AFAP1L2: variants seen among roughly 807,000 people sequenced by gnomAD.
AFAP1L2 encodes the protein actin filament-associated protein 1-like 2.
A neutral mutation model predicts 99.3 loss-of-function variants in AFAP1L2; 46 were observed. The ratio of observed to expected loss-of-function variants is 0.46; its 90% CI spans 0.37 to 0.59. AFAP1L2 has a LOEUF of 0.59. Among genes scored for constraint, AFAP1L2 ranks in the 20% least tolerant of loss-of-function variants. The pLI is 0.00. For synonymous variants in AFAP1L2, 397 were observed against 419.1 expected (o/e 0.95, Z 0.64); for missense variants, 959 against 1,034.9 (o/e 0.93, Z 1.01).
At chr10:114,401,090 T>C (rs1268324683) in intron 1 of AFAP1L2, among the ~76,000 whole-genome samples, 1 of 152,244 alleles carries the variant, frequency 6.6e-6, no homozygotes, top group African/African-American at 2.4e-5. Flanking sequence ...AGTTCATATC[T>C]GCCTCCAATG....
intron 1 of AFAP1L2, among the ~76,000 whole-genome samples, chr10:114,385,923 C>T (rs984137409): frequency 6.6e-6 from 1 of 152,104 alleles, no homozygotes; most frequent in African/African-American, 2.4e-5. Context: ...AGTTCAGGTT[C>T]TCACCACCCC....
intron 1 of AFAP1L2, among the ~76,000 whole-genome samples, chr10:114,345,327 G>A (rs938991271): frequency 1.3e-5 from 2 of 152,130 alleles, no homozygotes; most frequent in African/African-American, 2.4e-5. Context: ...CTCAGAAGTT[G>A]GTGCCTTATT....
At chr10:114,302,223 T>C (rs1411685506) in intron 12 of AFAP1L2, 116 bp downstream of exon 12, 1 of 1,421,352 alleles carries the variant, frequency 7.0e-7, no homozygotes, top group African/African-American at 1.4e-5. Context: ...TTCCTGCTGC[T>C]GGGCAGAGTG....
intron 1 of AFAP1L2, among the ~76,000 whole-genome samples, chr10:114,397,122 G>GAA (rs5788062): frequency 2.0e-5 from 3 of 148,714 alleles, no homozygotes; most frequent in East Asian, 4.0e-4. Context: ...TTTACACACA[G>GAA]AAAAAAAAAA....
In AFAP1L2 at chr10:114,308,454, C is replaced by T; in HGVS notation, c.946G>A (p.Glu316Lys). 6.2e-7 allele frequency: 1 copy of T among 1,614,188 alleles called. No individual in the cohort carries two copies. Among genetic ancestry groups the T allele is most frequent in the Non-Finnish European group, 8.5e-7 (1 of 1,180,028 alleles). ...EYGSSVDGHP[E>K]VPETKDVKKK... ...TTACCGTCTTTGGTTTCTGGGACCT[C>T]AGGGTGGCCATCCACGGAGCTCCCA... is the stretch of plus-strand genomic sequence containing the variant. Residue 316 changes from glutamate to lysine, a missense_variant, in exon 9 of 19, where the codon GAG becomes AAG. Glu to Lys is a moderately conservative substitution (Grantham distance 56). This residue lies in a region of AFAP1L2 where 383 missense variants were observed against 472.8 expected (regional missense o/e 0.81). Coordinates refer to ENST00000304129, the MANE Select transcript of AFAP1L2 (RefSeq NM_001001936.3).
At chr10:114,302,561 AC>A in intron 11 of AFAP1L2, 77 bp from the exon 12 acceptor site, 1 of 1,576,252 alleles carries the variant, frequency 6.3e-7, no homozygotes, top group Non-Finnish European at 8.6e-7. Flanking sequence ...CCAGGCCATG[AC>A]CGTACCCCTA....
At chr10:114,305,682 C>T (rs1456706316) in intron 10 of AFAP1L2, among the ~76,000 whole-genome samples, 29 of 82,196 alleles carry the variant, frequency 3.5e-4, no homozygotes, top group African/African-American at 4.5e-4. Context: ...CAGGAGGGGA[C>T]GGGGCTGCAG....
chr10:114,286,133 G>T, the AFAP1L2 span: 2 of 1,614,106 alleles, frequency 1.2e-6, no homozygotes, highest in Admixed American at 1.7e-5. Context: ...GGTGCCTGTG[G>T]GGGAGTACCA....
chr10:114,347,085 C>G (rs1371121376), intron 1 of AFAP1L2, among the ~76,000 whole-genome samples: 1 of 152,208 alleles, frequency 6.6e-6, no homozygotes, highest in Non-Finnish European at 1.5e-5. Context: ...TCAAACTGAG[C>G]AGACCTGCGC....
intron 1 of AFAP1L2, among the ~76,000 whole-genome samples, chr10:114,350,482 G>A (rs533676369): frequency 9.9e-5 from 15 of 152,270 alleles, no homozygotes; most frequent in East Asian, 9.6e-4. Context: ...AACATCTGCC[G>A]AACATAAGGC....
intron 1 of AFAP1L2, among the ~76,000 whole-genome samples, chr10:114,351,596 T>C (rs1775012231): frequency 6.6e-6 from 1 of 152,150 alleles, no homozygotes; most frequent in South Asian, 2.1e-4. Context: ...CGAGGCTGAT[T>C]AGGTGCCCAC....
chr10:114,333,259 G>A lies in AFAP1L2; in HGVS notation c.182C>T (p.Thr61Ile), dbSNP rs1251280502. 1.2e-6 allele frequency: 2 copies of A among 1,613,956 alleles called. No homozygotes were observed. Among genetic ancestry groups the A allele is most frequent in the East Asian group, 2.2e-5 (1 of 44,882 alleles). The part of the protein sequence containing the change: ...DEEYIYMNKV[T>I]INKQQNAESQ... ...CTCTGCATTCTGTTGCTTGTTGATG[G>A]TCACTTTGTTCATATAAATGTACTC... Residue 61 changes from threonine (T) to isoleucine (I), a missense_variant, in exon 3 of 19, where the codon ACC becomes ATC. Thr to Ile is a moderately conservative substitution (Grantham distance 89). Coordinates refer to ENST00000304129, the MANE Select transcript of AFAP1L2 (RefSeq NM_001001936.3).
At chr10:114,394,295 C>A (rs1466730394) in intron 1 of AFAP1L2, among the ~76,000 whole-genome samples, 2 of 152,172 alleles carry the variant, frequency 1.3e-5, no homozygotes, top group Non-Finnish European at 2.9e-5. Flanking sequence ...TTGAGGCCTG[C>A]ACTTCTAGGA....
the AFAP1L2 span, among the ~76,000 whole-genome samples, chr10:114,283,305 T>A: frequency 1.4e-5 from 2 of 143,442 alleles, no homozygotes; most frequent in African/African-American, 2.6e-5. Context: ...CAGCGAGCAG[T>A]TAGACACACA....
At chr10:114,291,342 C>T (rs2039580678), downstream of AFAP1L2, 4 of 1,352,036 alleles carry the variant, frequency 3.0e-6, no homozygotes, top group African/African-American at 5.9e-5. Flanking sequence ...TGTCTGTGCC[C>T]CAGGTCCTTA....
rs751983337 is a variant in AFAP1L2 at position 114,340,570 on chromosome 10, G to A, written c.145+33C>T. The A allele has an allele frequency of 6.2e-6, 10 of 1,600,330 alleles. No individual in the cohort carries two copies. The Admixed American group carries it at 1.5e-4, about 25-fold the overall frequency. Reference sequence around the variant, plus strand: ...ACTCACAACCATCTCTTTTGGCGTGGAGGCCTCTGCACCACCCAGGGCCCA... The same window carrying A: ...ACTCACAACCATCTCTTTTGGCGTGAAGGCCTCTGCACCACCCAGGGCCCA... On this transcript the variant is annotated intron_variant, in intron 2 of 18. Transcript: ENST00000304129.
chr10:114,296,177 G>A (rs552961907), intron 18 of AFAP1L2, 109 bp from the exon 19 acceptor site: 42 of 1,451,854 alleles, frequency 2.9e-5, no homozygotes, highest in Non-Finnish European at 3.8e-5. Context: ...AACTATTTTA[G>A]GCACAGAGGT....
chr10:114,296,839 T>C (rs1383085822), intron 18 of AFAP1L2, 139 bp downstream of exon 18: 64 of 1,433,592 alleles, frequency 4.5e-5, no homozygotes, highest in Admixed American at 1.8e-4. Context: ...GGCAAAGCCA[T>C]GGCCACTCCT....
chr10:114,305,087 G>C, intron 10 of AFAP1L2, 157 bp from the exon 11 acceptor site: 1 of 621,456 alleles, frequency 1.6e-6, no homozygotes, highest in Non-Finnish European at 2.8e-6. Flanking sequence ...TGGGCTCCAG[G>C]AGGGGACGCA....
Sources: gnomAD v4.1 joint callset for allele counts (sites outside exome capture counted in the v4.1 genomes callset) on GRCh38, gnomAD v4.1.1 for gene constraint, gnomAD v4.1.1 regional missense constraint, MANE v1.5 for transcripts, NCBI Gene and HGNC (gene_info 2026-07-23, HGNC 2026-07-21) for gene names.